Variants in ITGB6 observed in about 807,000 individuals in gnomAD.
ITGB6 encodes the protein integrin beta-6.
Under a neutral mutation model 84.5 loss-of-function variants are expected in ITGB6, and 80 were observed. That is an observed-to-expected ratio of 0.95 (90% CI 0.79 to 1.14). ITGB6 has a LOEUF of 1.14. Ranked by LOEUF, ITGB6 falls within the 50% of genes most tolerant of loss-of-function variation. The pLI, the probability that ITGB6 is intolerant of heterozygous loss-of-function variation, is 0.00. For synonymous variants in ITGB6, 383 were observed against 354.9 expected (o/e 1.08, Z -0.89); for missense variants, 1,006 against 968.0 (o/e 1.04, Z -0.52).
chr2:160,116,161 A>C (rs1326346282), intron 12 of ITGB6, among the ~76,000 whole-genome samples: 1 of 150,904 alleles, frequency 6.6e-6, no homozygotes. Flanking sequence ...AATACAGAGA[A>C]CGCCACAAAG....
At chr2:160,142,205 T>G (rs1684026418) in intron 7 of ITGB6, 134 bp from the exon 8 acceptor site, 1 of 586,606 alleles carries the variant, frequency 1.7e-6, no homozygotes, top group Non-Finnish European at 3.1e-6. Context: ...ACAAACCTGC[T>G]TTTCTCCTGA....
At chr2:160,178,587 TG>T (rs1310894414) in intron 4 of ITGB6, among the ~76,000 whole-genome samples, 1 of 152,136 alleles carries the variant, frequency 6.6e-6, no homozygotes, top group Admixed American at 6.5e-5. Flanking sequence ...CAAAACAGAA[TG>T]TCAGAGATGG....
At chr2:160,151,371 G>C (rs916393173) in intron 7 of ITGB6, among the ~76,000 whole-genome samples, 1 of 152,142 alleles carries the variant, frequency 6.6e-6, no homozygotes, top group Admixed American at 6.6e-5. Flanking sequence ...AATGAAGGCA[G>C]AAATAAAGAT....
At chr2:160,122,740 C>A (rs947274569) in intron 12 of ITGB6, among the ~76,000 whole-genome samples, 2 of 152,110 alleles carry the variant, frequency 1.3e-5, no homozygotes, top group African/African-American at 4.8e-5. Flanking sequence ...ATAGGGTAAT[C>A]CAATTGTGCA....
chr2:160,163,757 G>A (rs1195404271), intron 7 of ITGB6, among the ~76,000 whole-genome samples: 1 of 152,180 alleles, frequency 6.6e-6, no homozygotes, highest in African/African-American at 2.4e-5. Context: ...CTCAGTGATT[G>A]AGACTGTAGA....
At chr2:160,155,478 GTAGGTTCATCATTTA>G (rs1684590749) in intron 7 of ITGB6, among the ~76,000 whole-genome samples, 1 of 152,170 alleles carries the variant, frequency 6.6e-6, no homozygotes, top group Non-Finnish European at 1.5e-5. Context: ...ATGTATCAAT[GTAGGTTCATCATTTA>G]TGACACATGT....
At chr2:160,173,853 T>C (rs563171955) in intron 5 of ITGB6, 121 bp downstream of exon 5, 37 of 873,196 alleles carry the variant, frequency 4.2e-5, no homozygotes, top group Non-Finnish European at 5.5e-5. Context: ...TTAAGAAAAA[T>C]ATGAAATATA....
intron 7 of ITGB6, 69 bp from the exon 8 acceptor site, chr2:160,142,140 C>A (rs1684023241): frequency 4.0e-6 from 4 of 990,884 alleles, no homozygotes; most frequent in South Asian, 1.5e-5. Context: ...TGGGTTTGAG[C>A]CTGCTGGCTA....
rs1400145955 is a variant in ITGB6 at position 160,118,086 on chromosome 2, C to T, written c.1981+5705G>A. ...TCACAGCCGAATTCTACCAGAGGTA[C>T]AAGGAGGAGCTGGTACCACTCCTTC... On this transcript the variant is annotated intron_variant, in intron 12 of 14. Transcript: ENST00000283249. Among the ~76,000 whole-genome samples the T allele has an allele frequency of 2.0e-5, 3 of 152,164 alleles. No homozygotes were observed. In the East Asian group the frequency reaches 5.8e-4, roughly 29 times the overall value.
At chr2:160,172,491 T>G (rs1231633796) in intron 6 of ITGB6, 78 bp downstream of exon 6, 1 of 1,311,990 alleles carries the variant, frequency 7.6e-7, no homozygotes, top group African/African-American at 1.4e-5. Flanking sequence ...TGTATGTTAT[T>G]TCACATGTAT....
intron 7 of ITGB6, among the ~76,000 whole-genome samples, chr2:160,164,179 G>T (rs184720328): frequency 8.0e-4 from 122 of 152,248 alleles, no homozygotes; most frequent in African/African-American, 2.4e-3. Context: ...TTACAAGTCT[G>T]CTGATGCTCT....
Position 160,132,723 on chromosome 2 carries a change from T to C in ITGB6, c.1660+4711A>G, listed in dbSNP as rs1683521665. On this transcript the variant is annotated intron_variant, in intron 10 of 14. Coordinates refer to ENST00000283249, the MANE Select transcript of ITGB6 (RefSeq NM_000888.5). ...TTTCTGAATAGATTACACTTATATA[T>C]GTGTGCATATATATATAAAAGAATG... Among the ~76,000 whole-genome samples the C allele has an allele frequency of 1.3e-5, 2 of 152,150 alleles. 1 individual carries two copies. Among genetic ancestry groups the C allele is most frequent in the South Asian group, 4.1e-4 (2 of 4,834 alleles).
chr2:160,153,394 GCTGAAATTGGATCC>G (rs1684502926), intron 7 of ITGB6, among the ~76,000 whole-genome samples: 1 of 152,158 alleles, frequency 6.6e-6, no homozygotes, highest in South Asian at 2.1e-4. Context: ...TATGTAGAAA[GCTGAAATTGGATCC>G]CTTCCTTACA....
chr2:160,115,216 C>A (rs957699653), intron 12 of ITGB6, among the ~76,000 whole-genome samples: 1 of 152,230 alleles, frequency 6.6e-6, no homozygotes, highest in African/African-American at 2.4e-5. Flanking sequence ...GGTCCCTGAC[C>A]CCCGAACAGC....
At chr2:160,151,181 C>A (rs1684400700) in intron 7 of ITGB6, among the ~76,000 whole-genome samples, 1 of 152,126 alleles carries the variant, frequency 6.6e-6, no homozygotes, top group Non-Finnish European at 1.5e-5. Flanking sequence ...TTAAAATTGA[C>A]CACATAATTG....
chr2:160,196,466 C>A (rs747963841), intron 2 of ITGB6, 46 bp from the exon 3 acceptor site: 8 of 1,500,944 alleles, frequency 5.3e-6, no homozygotes, highest in South Asian at 2.4e-5. Flanking sequence ...GAAAACAAAT[C>A]TGAATTTCTT....
intron 7 of ITGB6, among the ~76,000 whole-genome samples, chr2:160,154,977 A>T (rs778032080): frequency 2.2e-4 from 34 of 152,124 alleles, no homozygotes; most frequent in Non-Finnish European, 4.6e-4. Context: ...TGTTTTCGTG[A>T]TAGTGAGTGA....
At chr2:160,153,011 C>T (rs142753277) in intron 7 of ITGB6, among the ~76,000 whole-genome samples, 3,979 of 152,220 alleles carry the variant, frequency 0.026, 70 homozygotes, top group South Asian at 0.076. Context: ...GGTCATACTG[C>T]CCAAGGTAAT....
At chr2:160,149,070 G>C (rs534323357) in intron 7 of ITGB6, among the ~76,000 whole-genome samples, 2 of 152,378 alleles carry the variant, frequency 1.3e-5, no homozygotes, top group East Asian at 3.9e-4. Context: ...AAACGTCCCT[G>C]TCTGACAGCT....
Sources: allele counts gnomAD v4.1 joint callset (sites outside exome capture counted in the v4.1 genomes callset), GRCh38; gene constraint gnomAD v4.1.1; transcripts MANE v1.5; gene names NCBI Gene and HGNC (gene_info 2026-07-23, HGNC 2026-07-21).